Variants in FEN1 observed in about 807,000 individuals in gnomAD.
FEN1 encodes the protein flap endonuclease 1.
In FEN1, 19 loss-of-function variants were observed where a neutral mutation model predicts 24.7. That is an observed-to-expected ratio of 0.77 (90% CI 0.54 to 1.13). FEN1 has a LOEUF of 1.13. FEN1 is among the 50% of genes most tolerant of loss of function. FEN1 has a pLI of 0.00. For synonymous variants in FEN1, 155 were observed against 189.2 expected (o/e 0.82, Z 1.48); for missense variants, 339 against 488.7 (o/e 0.69, Z 2.89).
chr11:61,796,133 G>A lies in FEN1; in HGVS notation c.772G>A (p.Glu258Lys). The A allele has an allele frequency of 6.2e-7, 1 of 1,614,232 alleles. No homozygotes were observed. The highest frequency in any genetic ancestry group is 8.5e-7 in the Non-Finnish European group (1 of 1,180,048). ...CATCCAGAAGCACAAGAGCATCGAG[G>A]AGATCGTGCGGCGACTTGACCCCAA... ...DLIQKHKSIEEIVRRLDPNKY... is the reference protein window; with the variant it reads ...DLIQKHKSIEKIVRRLDPNKY... Residue 258 changes from glutamate to lysine, a missense_variant, in exon 2 of 2, where the codon GAG (glutamate) becomes AAG (lysine). Coordinates refer to ENST00000305885, the MANE Select transcript of FEN1 (RefSeq NM_004111.6).
chr11:61,796,645 C>T lies in FEN1; in HGVS notation c.*141C>T, dbSNP rs2066822270. The T allele has an allele frequency of 2.2e-6, 2 of 916,454 alleles. No individual in the cohort carries two copies. Among genetic ancestry groups the T allele is most frequent in the Admixed American group, 3.0e-5 (1 of 33,118 alleles). 56.8% of individuals were successfully genotyped at this position (916,454 alleles called of 1,614,324 possible). ...CGTGACCCTTTTCAGTAGTGCTAGT[C>T]CCTTTTTTACTTGATCTTAATGGCA... On this transcript the variant is annotated 3_prime_UTR_variant, in exon 2 of 2. Transcript: ENST00000305885.
rs1297129101 is a variant in FEN1 at position 61,795,029 on chromosome 11, T to C, written c.-21-312T>C. ...AAGCATCCTGGCCTTCTGTGGTCCT[T>C]GATGGAGACCTATGTTGCAGGTTTT... is the stretch of plus-strand genomic sequence containing the variant. On this transcript the variant is annotated intron_variant, in intron 1 of 1. Transcript: ENST00000305885. This position sits in a 1 kb window ranked among gnomAD's most constrained non-coding sequence, Gnocchi z 4.1. Among the ~76,000 whole-genome samples, 1 of 152,198 alleles carries C rather than the reference T, an allele frequency of 6.6e-6. No individual in the cohort carries two copies. Among genetic ancestry groups the C allele is most frequent in the African/African-American group, 2.4e-5 (1 of 41,444 alleles).
chr11:61,795,352 CTG>C lies in FEN1; in HGVS notation c.-6_-5del. ...CCTTTCTTTTTTAGTCATCCCTCCT[CTG>C]TGTTGCCATGGGAATTCAAGGCCTG... On this transcript the variant is annotated 5_prime_UTR_variant, in exon 2 of 2. Transcript: ENST00000305885. The surrounding 1 kb of genome is among the most constrained non-coding windows in gnomAD (Gnocchi z 4.1). 2 of 1,586,586 alleles carry C rather than the reference CTG, an allele frequency of 1.3e-6. No individual in the cohort carries two copies. The highest frequency in any genetic ancestry group is 1.7e-6 in the Non-Finnish European group (2 of 1,163,004).
Position 61,795,652 on chromosome 11 carries a change from G to C in FEN1, c.291G>C (p.Leu97=), listed in dbSNP as rs764173967. The change falls in exon 2 of 2, where the codon CTG becomes CTC. Residue 97 remains leucine (L), a synonymous_variant. Transcript: ENST00000305885. This position sits in a 1 kb window ranked among gnomAD's most constrained non-coding sequence, Gnocchi z 4.1. ...CGCCACAGCTCAAGTCAGGCGAGCT[G>C]GCCAAACGCAGTGAGCGGCGGGCTG... The part of the protein sequence containing the change: ...GKPPQLKSGE[L]AKRSERRAEA... The C allele has an allele frequency of 4.3e-6, 7 of 1,614,092 alleles. No individual in the cohort carries two copies. In the South Asian group the frequency reaches 7.7e-5, roughly 18 times the overall value.
chr11:61,796,581 CCTT>C lies in FEN1; in HGVS notation c.*79_*81del, dbSNP rs2066821829. On this transcript the variant is annotated 3_prime_UTR_variant, in exon 2 of 2. Transcript: ENST00000305885. The stretch of plus-strand genomic sequence containing the variant: ...CCCTTAAGAGCTACAGCTAGAGAAA[CCTT>C]CACGGGGTGGAGAGAGGATTCTAAG... The C allele has an allele frequency of 7.0e-7, 1 of 1,430,166 alleles. No homozygotes were observed. Among genetic ancestry groups the C allele is most frequent in the Non-Finnish European group, 9.3e-7 (1 of 1,075,276 alleles). The allele number at this position is 1,430,166 out of a possible 1,614,324, so 88.6% of individuals were successfully genotyped here.
Position 61,796,233 on chromosome 11 carries a change from C to T in FEN1, c.872C>T (p.Pro291Leu), listed in dbSNP as rs2066818990. ...QLFLEPEVLD[P>L]ESVELKWSEP... ...TTCTTGGAACCTGAGGTGCTGGACC[C>T]AGAGTCTGTGGAGCTGAAGTGGAGC... The change falls in exon 2 of 2, where the codon CCA becomes CTA. Residue 291 changes from proline (P) to leucine (L), a missense_variant. Physicochemically the swap from Pro to Leu is moderately conservative, Grantham distance 98 (BLOSUM62 -3). This residue lies in a region of FEN1 where 70 missense variants were observed against 64.9 expected (regional missense o/e 1.08). Coordinates refer to ENST00000305885, the MANE Select transcript of FEN1 (RefSeq NM_004111.6). 1 of 1,612,610 alleles carries T rather than the reference C, an allele frequency of 6.2e-7. No homozygotes were observed. Among genetic ancestry groups the T allele is most frequent in the African/African-American group, 1.3e-5 (1 of 74,882 alleles).
At chr11:61,794,579 C>T (rs1052772177) in intron 1 of FEN1, among the ~76,000 whole-genome samples, 1 of 151,944 alleles carries the variant, frequency 6.6e-6, no homozygotes, top group Non-Finnish European at 1.5e-5. Context: ...TAGCAAAAAT[C>T]GTGAGGGTGA....
At chr11:61,794,471 A>T (rs1384037361) in intron 1 of FEN1, among the ~76,000 whole-genome samples, 1 of 152,204 alleles carries the variant, frequency 6.6e-6, no homozygotes, top group Admixed American at 6.5e-5. Context: ...ATATTAAAAT[A>T]TAACTAATAG....
In FEN1 at chr11:61,795,673, G is replaced by A. The variant is rs761130481; in HGVS notation, c.312G>A (p.Arg104=). The change falls in exon 2 of 2, where the codon CGG becomes CGA. Residue 104 remains arginine (R), a synonymous_variant. Coordinates refer to ENST00000305885, the MANE Select transcript of FEN1 (RefSeq NM_004111.6). This position sits in a 1 kb window ranked among gnomAD's most constrained non-coding sequence, Gnocchi z 4.1. The stretch of plus-strand genomic sequence containing the variant: ...AGCTGGCCAAACGCAGTGAGCGGCG[G>A]GCTGAGGCAGAGAAGCAGCTGCAGC... ...SGELAKRSER[R]AEAEKQLQQA... 3.7e-6 allele frequency: 6 copies of A among 1,613,808 alleles called. No homozygotes were observed. Among genetic ancestry groups the A allele is most frequent in the African/African-American group, 1.3e-5 (1 of 74,950 alleles).
rs1292756975 is a variant in FEN1 at position 61,795,611 on chromosome 11, G to A, written c.250G>A (p.Val84Ile). ...GGAGAACGGCATCAAGCCCGTGTATGTCTTTGATGGCAAGCCGCCACAGCT... is the reference window on the plus strand; with the variant it reads ...GGAGAACGGCATCAAGCCCGTGTATATCTTTGATGGCAAGCCGCCACAGCT... ...MMENGIKPVY[V>I]FDGKPPQLKS... Residue 84 changes from valine (V) to isoleucine (I), a missense_variant, in exon 2 of 2, where the codon GTC (valine) becomes ATC (isoleucine). Transcript: ENST00000305885. The surrounding 1 kb of genome is among the most constrained non-coding windows in gnomAD (Gnocchi z 4.1). The A allele has an allele frequency of 1.3e-5, 21 of 1,614,156 alleles. No homozygotes were observed. Among genetic ancestry groups the A allele is most frequent in the Non-Finnish European group, 1.7e-5 (20 of 1,180,042 alleles).
chr11:61,796,853 C>T lies in FEN1; in HGVS notation c.*349C>T, dbSNP rs190091697. On this transcript the variant is annotated 3_prime_UTR_variant, in exon 2 of 2. Coordinates refer to ENST00000305885, the MANE Select transcript of FEN1 (RefSeq NM_004111.6). ...ACAAAAGATGTACAGAAATGATTTC[C>T]TGGCTGGCCAACTGGTGGCCAGTGG... is the stretch of plus-strand genomic sequence containing the variant. 6.4e-5 allele frequency: 17 copies of T among 264,628 alleles called. No individual in the cohort carries two copies. Among genetic ancestry groups the T allele is most frequent in the African/African-American group, 3.7e-4 (16 of 43,678 alleles). The allele number at this position is 264,628 out of a possible 1,614,324, so 16.4% of individuals were successfully genotyped here. A position where few individuals can be genotyped will look rare whatever the true frequency, so the allele number is the denominator to read the frequency against.
chr11:61,794,245 CG>C (rs1026043358), intron 1 of FEN1, among the ~76,000 whole-genome samples: 24 of 152,168 alleles, frequency 1.6e-4, no homozygotes, highest in Admixed American at 3.9e-4. Flanking sequence ...GGCACAATCT[CG>C]GCTCACTGCA....
chr11:61,796,326 G>A lies in FEN1; in HGVS notation c.965G>A (p.Arg322His), dbSNP rs756180049. The change falls in exon 2 of 2, where the codon CGC becomes CAC. Residue 322 changes from arginine (R) to histidine (H), a missense_variant. Transcript: ENST00000305885. Reference sequence around the variant, plus strand: ...AAGCAGTTCTCTGAGGAGCGAATCCGCAGTGGGGTCAAGAGGCTGAGTAAG... The same window carrying A: ...AAGCAGTTCTCTGAGGAGCGAATCCACAGTGGGGTCAAGAGGCTGAGTAAG... Reference protein sequence around the residue: ...GEKQFSEERIRSGVKRLSKSR... With the variant: ...GEKQFSEERIHSGVKRLSKSR... 7 of 1,613,318 alleles carry A rather than the reference G, an allele frequency of 4.3e-6. No individual in the cohort carries two copies. The highest frequency in any genetic ancestry group is 1.1e-5 in the South Asian group (1 of 91,036).
Position 61,795,964 on chromosome 11 carries a change from G to A in FEN1, c.603G>A (p.Lys201=). The change falls in exon 2 of 2, where the codon AAG becomes AAA. Residue 201 remains lysine (K), a synonymous_variant. Transcript: ENST00000305885. The surrounding 1 kb of genome is among the most constrained non-coding windows in gnomAD (Gnocchi z 4.1). ...ACCTGACTGCCAGTGAAGCCAAAAA[G>A]CTGCCAATCCAGGAATTCCACCTGA... is the stretch of plus-strand genomic sequence containing the variant. The part of the protein sequence containing the change: ...MRHLTASEAK[K]LPIQEFHLSR... 3.1e-6 allele frequency: 5 copies of A among 1,614,174 alleles called. No individual in the cohort carries two copies. Among genetic ancestry groups the A allele is most frequent in the Non-Finnish European group, 4.2e-6 (5 of 1,180,044 alleles).
chr11:61,794,065 A>G (rs1326955040), intron 1 of FEN1, among the ~76,000 whole-genome samples: 2 of 152,110 alleles, frequency 1.3e-5, no homozygotes, highest in East Asian at 1.9e-4. Flanking sequence ...GGCTCATGTG[A>G]TCCTCCCACC....
intron 1 of FEN1, among the ~76,000 whole-genome samples, chr11:61,793,981 G>C (rs751571955): frequency 6.6e-6 from 1 of 152,088 alleles, no homozygotes; most frequent in Non-Finnish European, 1.5e-5. Context: ...TTCTTTTCTT[G>C]ACAGGGTCTT....
In FEN1 at chr11:61,795,675, C is replaced by T. The variant is rs1414916308; in HGVS notation, c.314C>T (p.Ala105Val). The change falls in exon 2 of 2, where the codon GCT (alanine) becomes GTT (valine). Residue 105 changes from alanine (A) to valine (V), a missense_variant. Coordinates refer to ENST00000305885, the MANE Select transcript of FEN1 (RefSeq NM_004111.6). The surrounding 1 kb of genome is among the most constrained non-coding windows in gnomAD (Gnocchi z 4.1). ...GELAKRSERR[A>V]EAEKQLQQAQ... ...CTGGCCAAACGCAGTGAGCGGCGGG[C>T]TGAGGCAGAGAAGCAGCTGCAGCAG... 1 of 1,613,898 alleles carries T rather than the reference C, an allele frequency of 6.2e-7. No homozygotes were observed. The highest frequency in any genetic ancestry group is 1.7e-5 in the Admixed American group (1 of 60,032).
chr11:61,795,332 C>G lies in FEN1; in HGVS notation c.-21-9C>G. ...TTTCCTCCGTCTCTGACTTGCCTTTCTTTTTTAGTCATCCCTCCTCTGTGT... is the reference window on the plus strand; with the variant it reads ...TTTCCTCCGTCTCTGACTTGCCTTTGTTTTTTAGTCATCCCTCCTCTGTGT... On this transcript the variant is annotated splice_polypyrimidine_tract_variant and intron_variant, in intron 1 of 1. Coordinates refer to ENST00000305885, the MANE Select transcript of FEN1 (RefSeq NM_004111.6). This position sits in a 1 kb window ranked among gnomAD's most constrained non-coding sequence, Gnocchi z 4.1. The G allele has an allele frequency of 1.9e-6, 3 of 1,556,120 alleles. No individual in the cohort carries two copies. The highest frequency in any genetic ancestry group is 2.6e-6 in the Non-Finnish European group (3 of 1,148,752).
At chr11:61,794,028 A>G (rs945930417) in intron 1 of FEN1, among the ~76,000 whole-genome samples, 5 of 152,128 alleles carry the variant, frequency 3.3e-5, no homozygotes, top group African/African-American at 9.7e-5. Flanking sequence ...TGGCACAATC[A>G]TAGCTCACTG....
Sources: gnomAD v4.1 joint callset for allele counts (sites outside exome capture counted in the v4.1 genomes callset) on GRCh38, gnomAD v4.1.1 for gene constraint, gnomAD v4.1.1 regional missense constraint, Gnocchi (gnomAD v3.1) non-coding constraint, MANE v1.5 for transcripts, NCBI Gene and HGNC (gene_info 2026-07-23, HGNC 2026-07-21) for gene names.